ENTPD1: variants seen among roughly 807,000 people sequenced by gnomAD.
ENTPD1 encodes ATP diphosphohydrolase.
ENTPD1 carries 33 observed loss-of-function variants against 57.0 expected under a neutral mutation model. That is an observed-to-expected ratio of 0.58 (90% CI 0.44 to 0.77). The LOEUF is 0.77. Among genes scored for constraint, ENTPD1 ranks in the 30% least tolerant of loss-of-function variants. The pLI is 0.00. For synonymous variants in ENTPD1, 202 were observed against 218.8 expected (o/e 0.92, Z 0.68); for missense variants, 501 against 603.4 (o/e 0.83, Z 1.78).
At chr10:95,723,788 T>C (rs748625108) in intron 1 of ENTPD1, among the ~76,000 whole-genome samples, 4 of 152,078 alleles carry the variant, frequency 2.6e-5, no homozygotes, top group Non-Finnish European at 4.4e-5. Context: ...GGCCCTCGGC[T>C]TCCCCAGGAA....
At chr10:95,790,362 A>G (rs780099950) in intron 1 of ENTPD1, among the ~76,000 whole-genome samples, 1 of 152,208 alleles carries the variant, frequency 6.6e-6, no homozygotes, top group Non-Finnish European at 1.5e-5. Flanking sequence ...TATGTGTGTT[A>G]TTGGTCAACA....
At chr10:95,726,651 G>C (rs1933169) in intron 1 of ENTPD1, among the ~76,000 whole-genome samples, 1 of 152,044 alleles carries the variant, frequency 6.6e-6, no homozygotes, top group African/African-American at 2.4e-5. Flanking sequence ...AGTCAAATTA[G>C]TTTCCTTCTA....
At chr10:95,757,245 G>A (rs2098030626) in intron 1 of ENTPD1, among the ~76,000 whole-genome samples, 1 of 152,214 alleles carries the variant, frequency 6.6e-6, no homozygotes, top group Non-Finnish European at 1.5e-5. Flanking sequence ...TGTGTTGGGA[G>A]CTATACCTAG....
intron 1 of ENTPD1, among the ~76,000 whole-genome samples, chr10:95,773,193 T>A (rs988738740): frequency 2.6e-5 from 4 of 152,144 alleles, no homozygotes; most frequent in Admixed American, 2.6e-4. Flanking sequence ...TCTGCCCCCA[T>A]GACCAAACAC....
chr10:95,794,768 A>G (rs2098219377), intron 1 of ENTPD1, among the ~76,000 whole-genome samples: 1 of 152,110 alleles, frequency 6.6e-6, no homozygotes, highest in Admixed American at 6.6e-5. Flanking sequence ...TGGGATCTGA[A>G]GGGTAAATAG....
intron 1 of ENTPD1, among the ~76,000 whole-genome samples, chr10:95,809,713 C>T (rs565238993): frequency 9.8e-5 from 13 of 132,922 alleles, no homozygotes; most frequent in African/African-American, 1.4e-4. Flanking sequence ...ACCCCCCAGA[C>T]GGGGTGGCCG....
chr10:95,760,035 G>A (rs144972697), intron 1 of ENTPD1, among the ~76,000 whole-genome samples: 353 of 152,304 alleles, frequency 2.3e-3, no homozygotes, highest in Non-Finnish European at 4.3e-3. Context: ...CACGCTTGTA[G>A]TTCCAGCTAC....
chr10:95,741,489 A>T (rs2098000277), intron 1 of ENTPD1, among the ~76,000 whole-genome samples: 2 of 152,238 alleles, frequency 1.3e-5, no homozygotes, highest in African/African-American at 4.8e-5. Context: ...CCAAGATGTG[A>T]TACAGAGACA....
At chr10:95,767,440 G>T (rs1426305266) in intron 1 of ENTPD1, among the ~76,000 whole-genome samples, 2 of 151,224 alleles carry the variant, frequency 1.3e-5, no homozygotes, top group Admixed American at 6.6e-5. Flanking sequence ...AAGAGTTTTT[G>T]TGTCCCTGTG....
intron 5 of ENTPD1, among the ~76,000 whole-genome samples, chr10:95,845,033 G>A (rs2098431710): frequency 6.6e-6 from 1 of 152,106 alleles, no homozygotes; most frequent in South Asian, 2.1e-4. Flanking sequence ...GCCCCATATC[G>A]ATGCCTAGAG....
chr10:95,841,765 A>G (rs570019408), intron 3 of ENTPD1, among the ~76,000 whole-genome samples: 2 of 152,304 alleles, frequency 1.3e-5, no homozygotes, highest in African/African-American at 4.8e-5. Context: ...CTAAAACTGG[A>G]AAAACAGTTT....
At chr10:95,839,929 C>T in intron 3 of ENTPD1, 121 bp downstream of exon 3, 1 of 915,836 alleles carries the variant, frequency 1.1e-6, no homozygotes, top group Non-Finnish European at 1.8e-6. Flanking sequence ...GTGAAGAAAA[C>T]AGTGCAGCTG....
chr10:95,828,075 C>T (rs2098383942), intron 2 of ENTPD1, among the ~76,000 whole-genome samples: 1 of 152,116 alleles, frequency 6.6e-6, no homozygotes, highest in Non-Finnish European at 1.5e-5. Flanking sequence ...GTCCCCAACC[C>T]CCAGGCCATG....
At chr10:95,853,733 TTTA>T (rs1278645110) in intron 7 of ENTPD1, among the ~76,000 whole-genome samples, 1 of 152,162 alleles carries the variant, frequency 6.6e-6, no homozygotes, top group Non-Finnish European at 1.5e-5. Flanking sequence ...CTGGATTACG[TTTA>T]TTGATTTTCG....
intron 1 of ENTPD1, among the ~76,000 whole-genome samples, chr10:95,716,048 G>A (rs2097971120): frequency 6.6e-6 from 1 of 152,098 alleles, no homozygotes; most frequent in Admixed American, 6.6e-5. Flanking sequence ...AAAAATTTGT[G>A]CAGTCAGGGG....
chr10:95,702,613 A>G, the ENTPD1 span, among the ~76,000 whole-genome samples: 21 of 152,368 alleles, frequency 1.4e-4, no homozygotes, highest in African/African-American at 5.0e-4. Flanking sequence ...ATTTTCCCAA[A>G]TAAATGAATG....
chr10:95,754,859 C>T (rs1025135906), upstream of ENTPD1: 4 of 152,140 alleles, frequency 2.6e-5, no homozygotes, highest in Admixed American at 1.3e-4. Context: ...CATGTGGCAC[C>T]GTGCAAAGTA....
chr10:95,742,563 G>A (rs7097236), intron 1 of ENTPD1, among the ~76,000 whole-genome samples: 5,460 of 139,322 alleles, frequency 0.039, 130 homozygotes, highest in Non-Finnish European at 0.05. Context: ...TTAGACCAAT[G>A]GGAATATTGT....
upstream of ENTPD1, chr10:95,753,304 G>A (rs1275869411): frequency 6.6e-6 from 1 of 152,116 alleles, no homozygotes; most frequent in African/African-American, 2.4e-5. Context: ...GTATGAATTG[G>A]TGATAATATA....
Sources: allele counts gnomAD v4.1 joint callset (sites outside exome capture counted in the v4.1 genomes callset), GRCh38; gene constraint gnomAD v4.1.1; transcripts MANE v1.5; gene names NCBI Gene and HGNC (gene_info 2026-07-23, HGNC 2026-07-21).